Variants in AGBL4 observed in about 807,000 individuals in gnomAD.
AGBL4 encodes cytosolic carboxypeptidase 6.
AGBL4 carries 58 observed loss-of-function variants against 66.4 expected under a neutral mutation model. The observed-to-expected ratio is 0.87, with a 90% confidence interval of 0.71 to 1.09. The LOEUF is 1.09. AGBL4 is among the 50% of genes least tolerant of loss of function. The pLI, the probability that AGBL4 is intolerant of heterozygous loss-of-function variation, is 0.00. For missense variants in AGBL4, 579 were observed against 631.0 expected (o/e 0.92, Z 0.88); for synonymous variants, 234 against 222.9 (o/e 1.05, Z -0.44).
At chr1:49,481,787 G>A (rs951034017) in intron 3 of AGBL4, among the ~76,000 whole-genome samples, 2 of 151,702 alleles carry the variant, frequency 1.3e-5, no homozygotes, top group African/African-American at 4.8e-5. Flanking sequence ...TTACTATTTT[G>A]CGGTGTGTGA....
At chr1:49,148,055 C>A (rs982946029) in intron 4 of AGBL4, among the ~76,000 whole-genome samples, 2 of 152,214 alleles carry the variant, frequency 1.3e-5, no homozygotes, top group African/African-American at 4.8e-5. Flanking sequence ...AACTTATCAA[C>A]TGAGTGGCCA....
At chr1:48,779,193 A>C (rs1038128746) in intron 6 of AGBL4, among the ~76,000 whole-genome samples, 1 of 152,188 alleles carries the variant, frequency 6.6e-6, no homozygotes, top group South Asian at 2.1e-4. Flanking sequence ...ATGTTCCCAA[A>C]ATGATTTCAA....
intron 4 of AGBL4, among the ~76,000 whole-genome samples, chr1:49,207,515 CTT>C (rs1299270593): frequency 5.8e-5 from 8 of 138,854 alleles, no homozygotes; most frequent in African/African-American, 2.1e-4. Flanking sequence ...CTTTTTCTTT[CTT>C]TCTTTCTCTC....
intron 3 of AGBL4, among the ~76,000 whole-genome samples, chr1:49,445,516 C>T (rs1250872415): frequency 2.6e-5 from 4 of 152,160 alleles, no homozygotes; most frequent in African/African-American, 9.6e-5. Context: ...TGAAATATCA[C>T]AAAGGCTTCC....
chr1:49,732,609 G>C (rs933577351), intron 2 of AGBL4, among the ~76,000 whole-genome samples: 1 of 152,126 alleles, frequency 6.6e-6, no homozygotes, highest in African/African-American at 2.4e-5. Context: ...GGAAATTCTA[G>C]TGTGGAAGAA....
chr1:49,464,294 G>A (rs1040701699), intron 3 of AGBL4, among the ~76,000 whole-genome samples: 4 of 151,686 alleles, frequency 2.6e-5, no homozygotes, highest in Non-Finnish European at 4.4e-5. Flanking sequence ...GATTATTACT[G>A]TTTTACAGAG....
chr1:49,056,255 G>GAA (rs968566181), intron 4 of AGBL4, among the ~76,000 whole-genome samples: 1 of 145,430 alleles, frequency 6.9e-6, no homozygotes, highest in African/African-American at 2.5e-5. Flanking sequence ...GCAGAAGGGG[G>GAA]AAAAAAAAAA....
At chr1:48,757,005 A>G (rs552368707) in intron 6 of AGBL4, among the ~76,000 whole-genome samples, 2 of 152,324 alleles carry the variant, frequency 1.3e-5, no homozygotes, top group South Asian at 2.1e-4. Flanking sequence ...GTTTTTCTAC[A>G]TGTTTTAGGA....
intron 3 of AGBL4, among the ~76,000 whole-genome samples, chr1:49,541,570 C>T (rs1019796514): frequency 5.3e-5 from 8 of 152,328 alleles, no homozygotes; most frequent in East Asian, 1.9e-4. Context: ...TGCCTCTCCG[C>T]GGGGCAGGGC....
chr1:49,355,695 C>A (rs1343082446), intron 3 of AGBL4, among the ~76,000 whole-genome samples: 2 of 152,294 alleles, frequency 1.3e-5, no homozygotes, highest in Admixed American at 1.3e-4. Context: ...TTCATTCCAG[C>A]ATAATACTTT....
chr1:49,610,398 G>C (rs1645133100), intron 3 of AGBL4, among the ~76,000 whole-genome samples: 1 of 152,162 alleles, frequency 6.6e-6, no homozygotes, highest in Non-Finnish European at 1.5e-5. Flanking sequence ...CCATTTTTCA[G>C]AGGAAGTAAC....
At chr1:49,152,423 A>C (rs1646353951) in intron 4 of AGBL4, among the ~76,000 whole-genome samples, 1 of 152,208 alleles carries the variant, frequency 6.6e-6, no homozygotes, top group African/African-American at 2.4e-5. Flanking sequence ...TCCCTATTCT[A>C]AAAAAGCATC....
intron 3 of AGBL4, among the ~76,000 whole-genome samples, chr1:49,590,847 G>T (rs932512045): frequency 1.3e-5 from 2 of 151,914 alleles, no homozygotes; most frequent in African/African-American, 4.8e-5. Flanking sequence ...AATGAAATTA[G>T]CTATGAGTAC....
At chr1:48,762,650 G>A (rs978374955) in intron 6 of AGBL4, among the ~76,000 whole-genome samples, 1 of 138,774 alleles carries the variant, frequency 7.2e-6, no homozygotes, top group East Asian at 2.4e-4. Context: ...GTGTGTGTGT[G>A]TGTGTGTGTA....
chr1:48,856,372 G>T (rs1647152472), intron 6 of AGBL4, among the ~76,000 whole-genome samples: 1 of 152,190 alleles, frequency 6.6e-6, no homozygotes, highest in African/African-American at 2.4e-5. Flanking sequence ...TGTAAAAATA[G>T]AATTCGATTT....
At chr1:48,965,976 TTTGAGGTAGAATTC>T in intron 5 of AGBL4, among the ~76,000 whole-genome samples, 1 of 152,270 alleles carries the variant, frequency 6.6e-6, no homozygotes, top group South Asian at 2.1e-4. Context: ...AGAAAACAGA[TTTGAGGTAGAATTC>T]TCACTTCACT....
At position 49,881,162 on chromosome 1, in the gene AGBL4, A is replaced by G. The variant is rs532122956; in HGVS notation, c.35-29644T>C. Reference sequence around the variant, plus strand: ...GGAGCTGTAGACCAGAGCTGTTCCTATTTGGCCATCTTGATGATTTCCAAT... The same window carrying G: ...GGAGCTGTAGACCAGAGCTGTTCCTGTTTGGCCATCTTGATGATTTCCAAT... On this transcript the variant is annotated intron_variant, in intron 1 of 13. Transcript: ENST00000371839. Among the ~76,000 whole-genome samples the G allele has an allele frequency of 8.5e-5, 13 of 152,188 alleles. No homozygotes were observed. The South Asian group carries it at 2.7e-3, about 32-fold the overall frequency.
At chr1:48,684,094 G>A (rs1281265199) in intron 6 of AGBL4, among the ~76,000 whole-genome samples, 2 of 152,210 alleles carry the variant, frequency 1.3e-5, no homozygotes, top group Non-Finnish European at 2.9e-5. Context: ...CATCCCAGAA[G>A]GAATTGGGAA....
intron 3 of AGBL4, among the ~76,000 whole-genome samples, chr1:49,320,444 GAGA>G (rs1257789586): frequency 2.0e-5 from 3 of 152,284 alleles, no homozygotes; most frequent in East Asian, 1.9e-4. Flanking sequence ...AGTGTATACA[GAGA>G]AGAAGAAAAT....
Sources: gnomAD v4.1 joint callset for allele counts (sites outside exome capture counted in the v4.1 genomes callset) on GRCh38, gnomAD v4.1.1 for gene constraint, MANE v1.5 for transcripts, NCBI Gene and HGNC (gene_info 2026-07-23, HGNC 2026-07-21) for gene names.